The following CUBN variants were observed in gnomAD, a reference collection of about 807,000 sequenced individuals.
CUBN encodes the protein cubilin.
CUBN carries 282 observed loss-of-function variants against 405.3 expected under a neutral mutation model. That is an observed-to-expected ratio of 0.70 (90% CI 0.63 to 0.77). CUBN has a LOEUF of 0.77. Ranked by LOEUF, CUBN falls within the 30% of genes least tolerant of loss-of-function variation. The pLI, the probability that CUBN is intolerant of heterozygous loss-of-function variation, is 0.00. For missense variants in CUBN, 4,514 were observed against 4,475.2 expected, an observed-to-expected ratio of 1.01 and a Z score of -0.25; for synonymous variants, 1,684 against 1,617.0, an observed-to-expected ratio of 1.04 and a Z score of -0.99.
chr10:16,948,708 A>T, intron 34 of CUBN, 102 bp from the exon 35 acceptor site: 1 of 1,459,532 alleles, frequency 6.9e-7, no homozygotes, highest in Non-Finnish European at 9.4e-7. Flanking sequence ...GACCAAAACA[A>T]AGTGAAGAAA....
At chr10:16,972,456 T>TC (rs953248750) in intron 31 of CUBN, among the ~76,000 whole-genome samples, 1 of 151,686 alleles carries the variant, frequency 6.6e-6, no homozygotes, top group African/African-American at 2.4e-5. Context: ...TTTTTTTTTT[T>TC]TGAAACAGGG....
At chr10:17,105,009 G>A (rs562546957) in intron 11 of CUBN, among the ~76,000 whole-genome samples, 6 of 151,480 alleles carry the variant, frequency 4.0e-5, no homozygotes, top group African/African-American at 7.3e-5. Flanking sequence ...TCACCATGTC[G>A]GTCAGGCTGG....
intron 34 of CUBN, among the ~76,000 whole-genome samples, chr10:16,949,465 A>C (rs58055671): frequency 1.5e-5 from 1 of 64,686 alleles, no homozygotes; most frequent in Non-Finnish European, 5.8e-5. Flanking sequence ...GTGTGTGTGT[A>C]GTGTGTGTGT....
chr10:16,975,766 G>A (rs768866780), intron 31 of CUBN, among the ~76,000 whole-genome samples: 1 of 151,456 alleles, frequency 6.6e-6, no homozygotes, highest in Non-Finnish European at 1.5e-5. Flanking sequence ...AAGTCGCTGG[G>A]ATTACAAGCA....
In CUBN at chr10:16,887,336, A is replaced by AT. The variant is rs573954862; in HGVS notation, c.8905+1080dup. 8.5e-5 allele frequency among the ~76,000 whole-genome samples: 13 copies of AT among 152,248 alleles called. No homozygotes were observed. In the South Asian group the frequency reaches 2.5e-3, roughly 29 times the overall value. On this transcript the variant is annotated intron_variant, in intron 56 of 66. Coordinates refer to ENST00000377833, the MANE Select transcript of CUBN (RefSeq NM_001081.4). Reference sequence around the variant, plus strand: ...CTTGTGTTGTTAAAGTTCTGTCACTATTTTTTTACTTCTAGATGGAATACA... The same window carrying AT: ...CTTGTGTTGTTAAAGTTCTGTCACTATTTTTTTTACTTCTAGATGGAATACA...
intron 17 of CUBN, among the ~76,000 whole-genome samples, chr10:17,075,374 G>A (rs1433489490): frequency 6.6e-6 from 1 of 151,982 alleles, no homozygotes; most frequent in African/African-American, 2.4e-5. Context: ...GTGAACCACC[G>A]TGCCTAGCCA....
intron 13 of CUBN, 124 bp from the exon 14 acceptor site, chr10:17,100,363 T>C (rs760851679): frequency 2.8e-6 from 2 of 708,698 alleles, no homozygotes; most frequent in Non-Finnish European, 5.1e-6. Flanking sequence ...CATTCCCTAA[T>C]TATCCACCAG....
chr10:17,094,996 T>C (rs1836341252), intron 14 of CUBN, among the ~76,000 whole-genome samples: 1 of 152,010 alleles, frequency 6.6e-6, no homozygotes, highest in Admixed American at 6.6e-5. Flanking sequence ...CACTACTTGA[T>C]TTTAAAATAT....
At chr10:17,051,697 GA>G (rs1026760279) in intron 22 of CUBN, among the ~76,000 whole-genome samples, 11 of 150,500 alleles carry the variant, frequency 7.3e-5, no homozygotes, top group African/African-American at 2.2e-4. Flanking sequence ...GTAGGCAGAA[GA>G]AAAAAAGGTC....
intron 31 of CUBN, among the ~76,000 whole-genome samples, chr10:16,980,491 C>A (rs1163663187): frequency 6.6e-6 from 1 of 152,194 alleles, no homozygotes; most frequent in African/African-American, 2.4e-5. Context: ...CACCTATACA[C>A]CATGGAATAC....
chr10:16,926,339 G>C (rs1435342027), intron 41 of CUBN, among the ~76,000 whole-genome samples: 1 of 152,174 alleles, frequency 6.6e-6, no homozygotes, highest in Non-Finnish European at 1.5e-5. Context: ...GCATGGCTAG[G>C]TCATGCAGGA....
At chr10:16,945,731 C>T (rs573459760) in intron 36 of CUBN, among the ~76,000 whole-genome samples, 10 of 145,542 alleles carry the variant, frequency 6.9e-5, no homozygotes, top group Non-Finnish European at 3.0e-5. Context: ...CACTCCATTG[C>T]ACTCCAGCCT....
In CUBN at chr10:16,940,231, G is replaced by A; in HGVS notation, c.5349C>T (p.Phe1783=). ...TGCAGTCCTGAGAGTCTTCCAACTG[G>A]AAAGATCTGATTTGGGGAAAAAAAT... is the stretch of plus-strand genomic sequence containing the variant. The part of the protein sequence containing the change: ...GNRLQLSFIS[F]QLEDSQDCSR... Residue 1783 remains phenylalanine, a synonymous_variant, in exon 37 of 67, where the codon TTC becomes TTT. Transcript: ENST00000377833. 6.2e-7 allele frequency: 1 copy of A among 1,613,884 alleles called. No individual in the cohort carries two copies. Among genetic ancestry groups the A allele is most frequent in the Non-Finnish European group, 8.5e-7 (1 of 1,179,770 alleles).
At chr10:16,953,259 G>A (rs757145971) in intron 32 of CUBN, among the ~76,000 whole-genome samples, 1 of 152,150 alleles carries the variant, frequency 6.6e-6, no homozygotes, top group Non-Finnish European at 1.5e-5. Context: ...ACAAACAAGT[G>A]AATAATAACA....
chr10:17,128,261 G>A (rs1035823015), intron 2 of CUBN, among the ~76,000 whole-genome samples: 1 of 152,112 alleles, frequency 6.6e-6, no homozygotes, highest in Non-Finnish European at 1.5e-5. Context: ...GCTGTCCTGG[G>A]CAAGTTACCT....
chr10:17,063,738 A>T (rs1201533043), intron 22 of CUBN, among the ~76,000 whole-genome samples: 1 of 152,196 alleles, frequency 6.6e-6, no homozygotes, highest in African/African-American at 2.4e-5. Flanking sequence ...CATTACAAAG[A>T]TTTCCACATT....
intron 31 of CUBN, among the ~76,000 whole-genome samples, chr10:16,970,806 T>A (rs890813964): frequency 1.3e-5 from 2 of 152,168 alleles, no homozygotes; most frequent in Non-Finnish European, 2.9e-5. Context: ...ATCTTTTTTA[T>A]TTTTTAATTA....
At chr10:17,091,692 G>A (rs117274889) in intron 14 of CUBN, among the ~76,000 whole-genome samples, 2,013 of 152,212 alleles carry the variant, frequency 0.013, 19 homozygotes, top group Non-Finnish European at 0.022. Flanking sequence ...TCTGACCAAT[G>A]TTAACTTCAT....
At chr10:16,844,044 C>T (rs773469444) in intron 60 of CUBN, among the ~76,000 whole-genome samples, 3 of 151,754 alleles carry the variant, frequency 2.0e-5, no homozygotes, top group African/African-American at 4.8e-5. Context: ...CCGAGGCAGG[C>T]GGATCGCCTG....
Sources: allele counts gnomAD v4.1 joint callset (sites outside exome capture counted in the v4.1 genomes callset), GRCh38; gene constraint gnomAD v4.1.1; transcripts MANE v1.5; gene names NCBI Gene and HGNC (gene_info 2026-07-23, HGNC 2026-07-21).